SLC41A2: variants seen among roughly 807,000 people sequenced by gnomAD.
The protein encoded by SLC41A2 is SLC41A1-like 1.
SLC41A2 carries 32 observed loss-of-function variants against 58.3 expected under a neutral mutation model. The observed-to-expected ratio is 0.55, with a 90% CI of 0.41 to 0.74. The LOEUF (loss-of-function observed/expected upper bound fraction) is 0.74. Ranked by LOEUF, SLC41A2 falls within the 30% of genes least tolerant of loss-of-function variation. The probability of loss-of-function intolerance (pLI) is 0.00; values close to 1 mark genes in which losing one functional copy is unlikely to be tolerated. For synonymous variants in SLC41A2, 190 were observed against 235.0 expected (o/e 0.81, Z 1.75); for missense variants, 514 against 680.6 (o/e 0.76, Z 2.72).
At chr12:104,904,504 T>C (rs950650058) in intron 3 of SLC41A2, among the ~76,000 whole-genome samples, 1 of 152,232 alleles carries the variant, frequency 6.6e-6, no homozygotes, top group South Asian at 2.1e-4. Context: ...ATAATTTCAC[T>C]AATTCTCAAA....
chr12:104,885,929 C>T (rs2044636922), intron 6 of SLC41A2, among the ~76,000 whole-genome samples: 1 of 152,058 alleles, frequency 6.6e-6, no homozygotes, highest in African/African-American at 2.4e-5. Context: ...TGCAGGTTGA[C>T]TCCTAGCTGC....
chr12:104,842,230 T>TG (rs1184761452), intron 10 of SLC41A2, among the ~76,000 whole-genome samples: 2 of 152,074 alleles, frequency 1.3e-5, no homozygotes, highest in Non-Finnish European at 2.9e-5. Context: ...GAGGTGTGTG[T>TG]GTGCATGTGC....
chr12:104,896,897 A>G (rs1400981549), intron 3 of SLC41A2, among the ~76,000 whole-genome samples: 4 of 152,154 alleles, frequency 2.6e-5, no homozygotes, highest in South Asian at 2.1e-4. Flanking sequence ...TGAAGCAAAG[A>G]CTATTATTTT....
intron 10 of SLC41A2, among the ~76,000 whole-genome samples, chr12:104,839,018 A>T (rs1207558324): frequency 6.6e-6 from 1 of 152,214 alleles, no homozygotes; most frequent in East Asian, 1.9e-4. Flanking sequence ...AGACATAGCC[A>T]AAGGCAAAGT....
chr12:104,909,967 G>A (rs2046008171), intron 2 of SLC41A2, among the ~76,000 whole-genome samples: 1 of 152,174 alleles, frequency 6.6e-6, no homozygotes, highest in African/African-American at 2.4e-5. Flanking sequence ...GATGCTGTTA[G>A]AGTTGGGGGT....
At chr12:104,824,319 T>A (rs1280626302) in intron 10 of SLC41A2, among the ~76,000 whole-genome samples, 1 of 149,142 alleles carries the variant, frequency 6.7e-6, no homozygotes, top group Non-Finnish European at 1.5e-5. Flanking sequence ...TGGAGGAACA[T>A]ATGGGCGGCT....
intron 5 of SLC41A2, among the ~76,000 whole-genome samples, chr12:104,887,226 A>T (rs1353229016): frequency 6.6e-6 from 1 of 151,994 alleles, no homozygotes; most frequent in Admixed American, 6.6e-5. Flanking sequence ...ACAAATCAAT[A>T]TGAAAGCCTA....
At chr12:104,893,595 G>A (rs2045125353) in intron 4 of SLC41A2, among the ~76,000 whole-genome samples, 2 of 152,160 alleles carry the variant, frequency 1.3e-5, no homozygotes, top group Non-Finnish European at 2.9e-5. Flanking sequence ...GCCAAGATTT[G>A]GAAGCAAACT....
At chr12:104,945,592 A>G (rs554896045) in intron 1 of SLC41A2, among the ~76,000 whole-genome samples, 1 of 152,344 alleles carries the variant, frequency 6.6e-6, no homozygotes, top group South Asian at 2.1e-4. Context: ...ATATTGGTAT[A>G]TATAAATTTA....
At chr12:104,814,605 A>G (rs1662700194) in intron 10 of SLC41A2, among the ~76,000 whole-genome samples, 2 of 151,556 alleles carry the variant, frequency 1.3e-5, no homozygotes, top group Admixed American at 6.6e-5. Flanking sequence ...CTACAAGTGA[A>G]AAAAAAAACT....
chr12:104,811,639 A>C (rs984657979), intron 10 of SLC41A2, among the ~76,000 whole-genome samples: 1 of 152,166 alleles, frequency 6.6e-6, no homozygotes, highest in African/African-American at 2.4e-5. Context: ...GATAAAGCTG[A>C]GTGGTAAATA....
At chr12:104,838,114 T>C (rs961629232) in intron 10 of SLC41A2, among the ~76,000 whole-genome samples, 9 of 152,250 alleles carry the variant, frequency 5.9e-5, no homozygotes, top group African/African-American at 2.2e-4. Flanking sequence ...CACTGAATCA[T>C]GTGAACATGA....
chr12:104,870,669 A>T (rs547607902), intron 6 of SLC41A2, among the ~76,000 whole-genome samples: 1 of 152,302 alleles, frequency 6.6e-6, no homozygotes, highest in East Asian at 1.9e-4. Context: ...CATAACTAGC[A>T]TCTTTTGTGA....
rs11112251 is a variant in SLC41A2 at position 104,948,376 on chromosome 12, G to T, written c.-168+9712C>A. On this transcript the variant is annotated intron_variant, in intron 1 of 10. Transcript: ENST00000258538. ...GCTCCAAAGAACTAAACTCTAATCA[G>T]TAAGTCCTAAAAAATATATAAAAAC... is the stretch of plus-strand genomic sequence containing the variant. Among the ~76,000 whole-genome samples the T allele has an allele frequency of 2.2e-3, 329 of 152,208 alleles. 7 individuals carry two copies. In the East Asian group the frequency reaches 0.047, roughly 22 times the overall value.
At position 104,877,935 on chromosome 12, in the gene SLC41A2, G is replaced by A. The variant is rs145854745; in HGVS notation, c.1027+8358C>T. On this transcript the variant is annotated intron_variant, in intron 6 of 10. Coordinates refer to ENST00000258538, the MANE Select transcript of SLC41A2 (RefSeq NM_001352171.3). ...GAGGCACGACCATCACTTGAACCCC[G>A]GAGGCAGAGGTCTCAGTGAGCCAAG... is the stretch of plus-strand genomic sequence containing the variant. 5.7e-3 allele frequency among the ~76,000 whole-genome samples: 864 copies of A among 151,982 alleles called. 9 individuals carry two copies. The highest frequency in any genetic ancestry group is 0.019 in the African/African-American group (791 of 41,452).
intron 6 of SLC41A2, among the ~76,000 whole-genome samples, chr12:104,877,099 A>C (rs1056227304): frequency 6.6e-6 from 1 of 152,226 alleles, no homozygotes; most frequent in African/African-American, 2.4e-5. Context: ...GCTATCATAA[A>C]ATCCTCTTTT....
At chr12:104,829,787 T>C (rs1470845516) in intron 10 of SLC41A2, among the ~76,000 whole-genome samples, 22 of 151,512 alleles carry the variant, frequency 1.5e-4, no homozygotes, top group Non-Finnish European at 3.2e-4. Flanking sequence ...AAGATGGGAA[T>C]AATTTTAGTT....
At chr12:104,849,192 T>C (rs2042716374) in intron 8 of SLC41A2, among the ~76,000 whole-genome samples, 2 of 152,242 alleles carry the variant, frequency 1.3e-5, no homozygotes, top group South Asian at 4.1e-4. Flanking sequence ...TGTTGACAAA[T>C]CTGACTACAG....
intron 6 of SLC41A2, among the ~76,000 whole-genome samples, chr12:104,870,653 G>T (rs2043722328): frequency 6.6e-6 from 1 of 152,078 alleles, no homozygotes; most frequent in Admixed American, 6.5e-5. Flanking sequence ...CCTCCTAACT[G>T]GCAAACATAA....
Sources: allele counts gnomAD v4.1 joint callset (sites outside exome capture counted in the v4.1 genomes callset), GRCh38; gene constraint gnomAD v4.1.1; transcripts MANE v1.5; gene names NCBI Gene and HGNC (gene_info 2026-07-23, HGNC 2026-07-21).